Variants in ABCA6 observed in about 807,000 individuals in gnomAD.
ABCA6 encodes ATP binding cassette subfamily A member 6.
In ABCA6, 164 loss-of-function variants were observed where a neutral mutation model predicts 191.2. That is an observed-to-expected ratio of 0.86 (90% CI 0.76 to 0.98). The LOEUF (loss-of-function observed/expected upper bound fraction) is 0.98, where lower values mean the gene tolerates loss of function less well. Among genes scored for constraint, ABCA6 ranks in the 50% least tolerant of loss-of-function variants. ABCA6 has a pLI of 0.00. For missense variants in ABCA6, 1,958 were observed against 1,894.1 expected (o/e 1.03, Z -0.63); for synonymous variants, 636 against 647.7 (o/e 0.98, Z 0.27).
chr17:69,136,980 G>T (rs1266937702), intron 3 of ABCA6, among the ~76,000 whole-genome samples: 1 of 151,968 alleles, frequency 6.6e-6, no homozygotes. Context: ...TGTATGCCAT[G>T]TTAAAAACAC....
At chr17:69,109,513 A>G (rs2144665754) in intron 17 of ABCA6, 1 of 152,312 alleles carries the variant, frequency 6.6e-6, no homozygotes, top group Middle Eastern at 3.4e-3. Context: ...TACATGCACA[A>G]TTAAAATAGA....
chr17:69,105,553 G>T lies in ABCA6; in HGVS notation c.2649C>A (p.Ile883=), dbSNP rs72850814. Reference sequence around the variant, plus strand: ...ACAATTCGTTTTTAAATTCCCAATCGATCTTTTCATTTAACATAGCATACA... The same window carrying T: ...ACAATTCGTTTTTAAATTCCCAATCTATCTTTTCATTTAACATAGCATACA... ...NIMYAMLNEK[I]DWEFKNELYF... The change falls in exon 20 of 39, where the codon ATC becomes ATA. Residue 883 remains isoleucine, a synonymous_variant. Transcript: ENST00000284425. 7.3e-4 allele frequency: 1,161 copies of T among 1,593,092 alleles called. 5 individuals carry two copies. The highest frequency in any genetic ancestry group is 4.0e-3 in the Admixed American group (240 of 59,838).
At position 69,137,487 on chromosome 17, in the gene ABCA6, G is replaced by A; in HGVS notation, c.110C>T (p.Ser37Leu). Residue 37 changes from serine (S) to leucine (L), a missense_variant, in exon 3 of 39, where the codon TCA (serine) becomes TTA (leucine). Ser to Leu is a moderately radical substitution (Grantham distance 145). Coordinates refer to ENST00000284425, the MANE Select transcript of ABCA6 (RefSeq NM_080284.3). The stretch of plus-strand genomic sequence containing the variant: ...AGCAATACACAGTCCTAGAAGTATT[G>A]AGAGGCCCCATTCCTGTAATGCATA... ...KRESLLEWGLSILLGLCIALF... is the reference protein window; with the variant it reads ...KRESLLEWGLLILLGLCIALF... 1.2e-6 allele frequency: 2 copies of A among 1,612,654 alleles called. No homozygotes were observed. Among genetic ancestry groups the A allele is most frequent in the Non-Finnish European group, 8.5e-7 (1 of 1,179,410 alleles).
intron 25 of ABCA6, 39 bp downstream of exon 25, chr17:69,096,201 A>G: frequency 9.6e-7 from 1 of 1,037,692 alleles, no homozygotes; most frequent in Non-Finnish European, 1.3e-6. Context: ...AGTTTAAAAA[A>G]TAACACTATT....
intron 10 of ABCA6, among the ~76,000 whole-genome samples, chr17:69,119,794 G>A (rs2144686981): frequency 6.6e-6 from 1 of 151,538 alleles, no homozygotes; most frequent in East Asian, 1.9e-4. Flanking sequence ...CTTTTTATCT[G>A]TCTTATTCTT....
At position 69,089,477 on chromosome 17, in the gene ABCA6, T is replaced by A; in HGVS notation, c.3594A>T (p.Leu1198=). The A allele has an allele frequency of 6.2e-7, 1 of 1,613,750 alleles. No individual in the cohort carries two copies. Among genetic ancestry groups the A allele is most frequent in the Non-Finnish European group, 8.5e-7 (1 of 1,179,874 alleles). ...AAGCCCTTCTTACTATGAAGCAGAC[T>A]AGAAAATCAGTGGCACTCAATTCAA... ...ANFELSATDF[L]VCFIPYFQTL... The change falls in exon 27 of 39, where the codon CTA becomes CTT. Residue 1198 remains leucine, a synonymous_variant. Coordinates refer to ENST00000284425, the MANE Select transcript of ABCA6 (RefSeq NM_080284.3).
At chr17:69,131,598 ATACTT>A (rs2073862822) in intron 6 of ABCA6, among the ~76,000 whole-genome samples, 1 of 152,202 alleles carries the variant, frequency 6.6e-6, no homozygotes, top group African/African-American at 2.4e-5. Context: ...TTCAGACACT[ATACTT>A]AAAGAATAAA....
At chr17:69,083,190 C>T in intron 35 of ABCA6, 22 bp downstream of exon 35, 1 of 1,574,174 alleles carries the variant, frequency 6.4e-7, no homozygotes, top group Non-Finnish European at 8.6e-7. Context: ...GCATCAAATG[C>T]AGGCTTCGGA....
chr17:69,087,236 T>C, intron 29 of ABCA6, 117 bp downstream of exon 29: 24 of 1,331,166 alleles, frequency 1.8e-5, no homozygotes, highest in Non-Finnish European at 2.3e-5. Flanking sequence ...CCTGGACGCA[T>C]AATACAGAAA....
chr17:69,120,757 G>A (rs1417754831), intron 10 of ABCA6, among the ~76,000 whole-genome samples: 2 of 152,032 alleles, frequency 1.3e-5, no homozygotes, highest in Admixed American at 1.3e-4. Context: ...ATTTACATTT[G>A]AGGCAGACAT....
rs2073946856 is a variant in ABCA6, at chr17:69,136,243, A to T, written c.309T>A (p.Ser103Arg). The T allele has an allele frequency of 6.5e-7, 1 of 1,544,300 alleles. No homozygotes were observed. Among genetic ancestry groups the T allele is most frequent in the Non-Finnish European group, 8.7e-7 (1 of 1,146,880 alleles). The change falls in exon 4 of 39, where the codon AGT (serine) becomes AGA (arginine). Residue 103 changes from serine to arginine, a missense_variant. Transcript: ENST00000284425. Reference sequence around the variant, plus strand: ...GTGTTTTATTTGGTGCCCCAATGACACTTGTTCCTGTGAATTACAAGGTAA... The same window carrying T: ...GTGTTTTATTTGGTGCCCCAATGACTCTTGTTCCTGTGAATTACAAGGTAA... Reference protein sequence around the residue: ...TALAPLLKGTSVIGAPNKTHM... With the variant: ...TALAPLLKGTRVIGAPNKTHM...
At chr17:69,141,357 C>T (rs2074022171) in intron 1 of ABCA6, among the ~76,000 whole-genome samples, 1 of 151,910 alleles carries the variant, frequency 6.6e-6, no homozygotes, top group Non-Finnish European at 1.5e-5. Flanking sequence ...ATTCAGAAGT[C>T]CCTGAATAAC....
chr17:69,126,761 C>A (rs186911638), intron 8 of ABCA6, among the ~76,000 whole-genome samples: 1 of 152,068 alleles, frequency 6.6e-6, no homozygotes, highest in Non-Finnish European at 1.5e-5. Flanking sequence ...TCGAACTGAT[C>A]GAATAATTCA....
intron 27 of ABCA6, 105 bp from the exon 28 acceptor site, chr17:69,088,363 A>G: frequency 2.4e-6 from 2 of 829,628 alleles, no homozygotes; most frequent in Non-Finnish European, 3.6e-6. Flanking sequence ...ATAGTTGTGG[A>G]TCATTCTCAT....
rs764816475 is a variant in ABCA6, at chr17:69,079,023, TTTC to T, written c.4801_4803del (p.Glu1601del). 4.3e-6 allele frequency: 7 copies of T among 1,612,904 alleles called. No homozygotes were observed. On this transcript the variant is annotated inframe_deletion, in exon 39 of 39. Transcript: ENST00000284425. ...AGTTTCCATCTCATTGTTGTATCAATTTCTTCATCAAAATTTCCTACTTCCTGT... is the reference window on the plus strand; with the variant it reads ...AGTTTCCATCTCATTGTTGTATCAATTTCATCAAAATTTCCTACTTCCTGT...
At chr17:69,127,308 A>C (rs555955710) in intron 8 of ABCA6, among the ~76,000 whole-genome samples, 1 of 152,142 alleles carries the variant, frequency 6.6e-6, no homozygotes, top group Non-Finnish European at 1.5e-5. Context: ...GGACCTTATC[A>C]AAATTATGTA....
intron 22 of ABCA6, among the ~76,000 whole-genome samples, chr17:69,100,123 G>A (rs1407753997): frequency 6.6e-6 from 1 of 152,164 alleles, no homozygotes; most frequent in Non-Finnish European, 1.5e-5. Context: ...CACAAAGATG[G>A]TGAAGTGAGA....
chr17:69,128,305 A>T lies in ABCA6; in HGVS notation c.1119+314T>A, dbSNP rs565281081. Among the ~76,000 whole-genome samples the T allele has an allele frequency of 6.6e-5, 10 of 152,216 alleles. No homozygotes were observed. The South Asian group carries it at 2.1e-3, about 32-fold the overall frequency. ...GGGTTCATATATAACAATTTTAATAAACTAGCAGATATTTTCATTATGTTA... is the reference window on the plus strand; with the variant it reads ...GGGTTCATATATAACAATTTTAATATACTAGCAGATATTTTCATTATGTTA... On this transcript the variant is annotated intron_variant, in intron 8 of 38. Transcript: ENST00000284425.
At chr17:69,115,722 G>T in intron 11 of ABCA6, 1 of 314,036 alleles carries the variant, frequency 3.2e-6, no homozygotes, top group Non-Finnish European at 5.7e-6. Flanking sequence ...CAATGGAACA[G>T]AACAGAAGTC....
Sources: allele counts gnomAD v4.1 joint callset (sites outside exome capture counted in the v4.1 genomes callset), GRCh38; gene constraint gnomAD v4.1.1; transcripts MANE v1.5; gene names NCBI Gene and HGNC (gene_info 2026-07-23, HGNC 2026-07-21).